PKN2: variants seen among roughly 807,000 people sequenced by gnomAD.
The protein encoded by PKN2 is protein kinase N2, also known as serine/threonine-protein kinase N2.
In PKN2, 38 loss-of-function variants were observed where a neutral mutation model predicts 119.1. That is an observed-to-expected ratio of 0.32 (90% confidence interval 0.25 to 0.42). The LOEUF (loss-of-function observed/expected upper bound fraction) is 0.42. Among genes scored for constraint, PKN2 ranks in the 10% least tolerant of loss-of-function variants. The pLI, the probability that PKN2 is intolerant of heterozygous loss-of-function variation, is 1.00. For synonymous variants in PKN2, 390 were observed against 384.9 expected, an observed-to-expected ratio of 1.01 and a Z score of -0.15; for missense variants, 850 against 1,165.1, an observed-to-expected ratio of 0.73 and a Z score of 3.94.
At chr1:88,827,010 A>T (rs1672525866) in intron 18 of PKN2, among the ~76,000 whole-genome samples, 1 of 152,132 alleles carries the variant, frequency 6.6e-6, no homozygotes, top group African/African-American at 2.4e-5. Context: ...TAATGTATCT[A>T]ATTGTGCCCT....
At chr1:88,685,806 G>A (rs1420390379) in intron 1 of PKN2, among the ~76,000 whole-genome samples, 1 of 152,140 alleles carries the variant, frequency 6.6e-6, no homozygotes, top group East Asian at 1.9e-4. Context: ...AAGAGTTGAT[G>A]TCAAAATTAA....
chr1:88,710,975 A>T (rs1001848671), intron 1 of PKN2, among the ~76,000 whole-genome samples: 1 of 152,210 alleles, frequency 6.6e-6, no homozygotes, highest in Non-Finnish European at 1.5e-5. Flanking sequence ...GCCATAAGAA[A>T]GAATGAGATT....
intron 16 of PKN2, among the ~76,000 whole-genome samples, chr1:88,818,040 C>A (rs1035185257): frequency 9.9e-5 from 15 of 152,126 alleles, no homozygotes; most frequent in Non-Finnish European, 4.4e-5. Context: ...GGATACAAAT[C>A]AATGTGCAAA....
rs150493720 is a variant in PKN2 at position 88,792,258 on chromosome 1, G to T, written c.1281+6045G>T. 9.9e-3 allele frequency among the ~76,000 whole-genome samples: 1,509 copies of T among 152,204 alleles called. 22 individuals are homozygous for T. Among genetic ancestry groups the T allele is most frequent in the African/African-American group, 0.034 (1,428 of 41,522 alleles). On this transcript the variant is annotated intron_variant, in intron 8 of 21. Transcript: ENST00000370521. ...CGTCTCTACTAAAAATACAAAATTA[G>T]CTGGACATAGTGGCGCATGCCTGTA...
chr1:88,693,703 CCT>C (rs1666416858), intron 1 of PKN2, among the ~76,000 whole-genome samples: 1 of 151,814 alleles, frequency 6.6e-6, no homozygotes, highest in African/African-American at 2.4e-5. Context: ...ATAGTGAGAC[CCT>C]GTCTCAAAAA....
chr1:88,700,016 C>T (rs774356529), intron 1 of PKN2, among the ~76,000 whole-genome samples: 11 of 152,098 alleles, frequency 7.2e-5, no homozygotes, highest in African/African-American at 2.7e-4. Context: ...CTCCCAACCT[C>T]AGGTGATCCA....
In PKN2 at chr1:88,782,857, A is replaced by G. The variant is rs188544035; in HGVS notation, c.986-1782A>G. ...CTTTGAGTAGATGCAGACATTGTGAATTTTACCTTGCTGGATGCTGAATAT... is the reference window on the plus strand; with the variant it reads ...CTTTGAGTAGATGCAGACATTGTGAGTTTTACCTTGCTGGATGCTGAATAT... On this transcript the variant is annotated intron_variant, in intron 6 of 21. Coordinates refer to ENST00000370521, the MANE Select transcript of PKN2 (RefSeq NM_006256.4). Among the ~76,000 whole-genome samples, 208 of 152,264 alleles carry G rather than the reference A, an allele frequency of 1.4e-3. 2 individuals are homozygous for G. In the South Asian group the frequency reaches 0.015, roughly 11 times the overall value.
rs1202502116 is a variant in PKN2 at position 88,735,596 on chromosome 1, C to G, written c.49-5392C>G. On this transcript the variant is annotated intron_variant, in intron 1 of 21. Transcript: ENST00000370521. ...TGCTGGGTACAGTATTCTTGGTTGA[C>G]AGCCCACCCCCCCCCCCCCCACCCC... Among the ~76,000 whole-genome samples, 120 of 21,392 alleles carry G rather than the reference C, an allele frequency of 5.6e-3. 1 individual carries two copies. Among genetic ancestry groups the G allele is most frequent in the African/African-American group, 0.023 (118 of 5,076 alleles). 14.0% of individuals were successfully genotyped at this position (21,392 alleles called of 152,430 possible).
At chr1:88,736,924 G>GT (rs935217136) in intron 1 of PKN2, among the ~76,000 whole-genome samples, 51 of 152,200 alleles carry the variant, frequency 3.4e-4, no homozygotes, top group African/African-American at 1.2e-3. Context: ...CTCTGGGTGT[G>GT]TGAGTTTCCA....
intron 7 of PKN2, 30 bp from the exon 8 acceptor site, chr1:88,786,074 T>C (rs768733551): frequency 7.4e-7 from 1 of 1,358,688 alleles, no homozygotes; most frequent in African/African-American, 1.4e-5. Context: ...GTTTAAAGTT[T>C]TTAAGCAAGT....
At chr1:88,719,016 A>G (rs1478657974) in intron 1 of PKN2, among the ~76,000 whole-genome samples, 1 of 152,164 alleles carries the variant, frequency 6.6e-6, no homozygotes, top group Non-Finnish European at 1.5e-5. Flanking sequence ...GCTAAATGTG[A>G]TATTTATCAT....
intron 12 of PKN2, 188 bp downstream of exon 12, chr1:88,806,205 A>G: frequency 3.5e-6 from 2 of 570,146 alleles, no homozygotes; most frequent in Admixed American, 6.1e-5. Context: ...CCCAGGCTGG[A>G]GTGCAATGGC....
At chr1:88,804,351 T>G in intron 8 of PKN2, 40 bp from the exon 9 acceptor site, 1 of 1,472,554 alleles carries the variant, frequency 6.8e-7, no homozygotes, top group South Asian at 1.3e-5. Context: ...TCCAATGATG[T>G]CTTTTCTGTT....
At chr1:88,783,914 C>T (rs777290644) in intron 6 of PKN2, among the ~76,000 whole-genome samples, 5 of 152,050 alleles carry the variant, frequency 3.3e-5, no homozygotes, top group Non-Finnish European at 7.4e-5. Flanking sequence ...TTTAGTTATA[C>T]AAAAACCCTG....
chr1:88,771,302 T>C, intron 4 of PKN2, 119 bp from the exon 5 acceptor site: 1 of 612,572 alleles, frequency 1.6e-6, no homozygotes, highest in South Asian at 3.1e-5. Flanking sequence ...TCAGTGTTTA[T>C]TGATGTAAGG....
At chr1:88,816,314 T>C (rs974008149) in intron 16 of PKN2, among the ~76,000 whole-genome samples, 1 of 152,180 alleles carries the variant, frequency 6.6e-6, no homozygotes, top group Non-Finnish European at 1.5e-5. Flanking sequence ...TGGCACCGTC[T>C]TGGCTCACTA....
intron 6 of PKN2, among the ~76,000 whole-genome samples, chr1:88,777,651 A>G (rs1439198661): frequency 6.6e-6 from 1 of 152,194 alleles, no homozygotes; most frequent in African/African-American, 2.4e-5. Context: ...TTGTACACCA[A>G]AATAAAATTC....
intron 8 of PKN2, among the ~76,000 whole-genome samples, chr1:88,801,017 C>G (rs942977807): frequency 1.4e-4 from 21 of 152,080 alleles, no homozygotes. Context: ...AACAGCATGC[C>G]CTTGCCTTGT....
At chr1:88,705,637 G>A (rs111353067) in intron 1 of PKN2, among the ~76,000 whole-genome samples, 3,186 of 152,172 alleles carry the variant, frequency 0.021, 69 homozygotes, top group South Asian at 0.069. Context: ...GGCAGAGCTT[G>A]CAGTGAGCCG....
Sources: gnomAD v4.1 joint callset for allele counts (sites outside exome capture counted in the v4.1 genomes callset) on GRCh38, gnomAD v4.1.1 for gene constraint, MANE v1.5 for transcripts, NCBI Gene and HGNC (gene_info 2026-07-23, HGNC 2026-07-21) for gene names.